The following RAN variants were observed in gnomAD, a reference collection of about 807,000 sequenced individuals.
RAN encodes GTP-binding nuclear protein Ran.
A neutral mutation model predicts 26.8 loss-of-function variants in RAN; 2 were observed. The ratio of observed to expected loss-of-function variants is 0.07; its 90% CI spans 0.03 to 0.23. The LOEUF (loss-of-function observed/expected upper bound fraction) is 0.23. Among genes scored for constraint, RAN ranks in the 10% least tolerant of loss-of-function variants. RAN has a pLI of 1.00. For missense variants in RAN, 56 were observed against 264.8 expected, an observed-to-expected ratio of 0.21 and a Z score of 5.47; for synonymous variants, 132 against 95.9, an observed-to-expected ratio of 1.38 and a Z score of -2.20.
chr12:130,874,995 T>A lies in RAN; in HGVS notation c.435+262T>A, dbSNP rs142851308. On this transcript the variant is annotated intron_variant, in intron 5 of 6. Coordinates refer to ENST00000543796, the MANE Select transcript of RAN (RefSeq NM_006325.5). Reference sequence around the variant, plus strand: ...CACCACGCCTGGCTAATTTTTGTACTTTTTTTTCTAGTAGAGACGGGGTTT... The same window carrying A: ...CACCACGCCTGGCTAATTTTTGTACATTTTTTTCTAGTAGAGACGGGGTTT... 1.7e-3 allele frequency among the ~76,000 whole-genome samples: 257 copies of A among 152,098 alleles called. 1 individual carries two copies. Among genetic ancestry groups the A allele is most frequent in the African/African-American group, 5.5e-3 (230 of 41,496 alleles).
At chr12:130,873,646 A>G (rs1474874406) in intron 4 of RAN, 4 of 160,814 alleles carry the variant, frequency 2.5e-5, no homozygotes, top group African/African-American at 7.2e-5. Flanking sequence ...TCATTGTACC[A>G]AAAAGAGGAA....
chr12:130,874,128 C>T (rs1189040796), intron 4 of RAN: 13 of 230,058 alleles, frequency 5.7e-5, no homozygotes, highest in South Asian at 2.2e-4. Flanking sequence ...GGATTACAGA[C>T]GTGAGCCACA....
At position 130,876,987 on chromosome 12, in the gene RAN, A is replaced by C. The variant is rs1953258034; in HGVS notation, c.*1061A>C. 1 of 151,776 alleles carries C rather than the reference A, an allele frequency of 6.6e-6. No homozygotes were observed. Among genetic ancestry groups the C allele is most frequent in the South Asian group, 2.1e-4 (1 of 4,810 alleles). 9.4% of individuals were successfully genotyped at this position (151,776 alleles called of 1,614,324 possible). A position where few individuals can be genotyped will look rare whatever the true frequency, so the allele number is the denominator to read the frequency against. Reference sequence around the variant, plus strand: ...CAGCAGAGCAGGACATGGATGAAATACTAGGAATATGCACAGTGGGGCAGT... The same window carrying C: ...CAGCAGAGCAGGACATGGATGAAATCCTAGGAATATGCACAGTGGGGCAGT... On this transcript the variant is annotated 3_prime_UTR_variant, in exon 7 of 7. Coordinates refer to ENST00000543796, the MANE Select transcript of RAN (RefSeq NM_006325.5).
At chr12:130,873,354 G>T (rs1953175001) in intron 4 of RAN, 5 of 503,326 alleles carry the variant, frequency 9.9e-6, no homozygotes. Context: ...AAAAAACTAT[G>T]ACTTACACTG....
chr12:130,873,211 C>T, intron 4 of RAN, 83 bp downstream of exon 4: 8 of 1,553,338 alleles, frequency 5.2e-6, no homozygotes, highest in South Asian at 1.2e-5. Context: ...CAGGTCTGTT[C>T]CAACAAATAG....
chr12:130,875,106 A>T (rs546955071), intron 5 of RAN, among the ~76,000 whole-genome samples: 2 of 152,324 alleles, frequency 1.3e-5, no homozygotes, highest in East Asian at 1.9e-4. Context: ...GATTACAGGC[A>T]TGAGCCACTG....
In RAN at chr12:130,872,588, G is replaced by T; in HGVS notation, c.-6G>T. The T allele has an allele frequency of 6.6e-7, 1 of 1,515,380 alleles. No individual in the cohort carries two copies. Among genetic ancestry groups the T allele is most frequent in the Non-Finnish European group, 8.8e-7 (1 of 1,135,676 alleles). 93.9% of individuals were successfully genotyped at this position (1,515,380 alleles called of 1,614,324 possible). A position where few individuals can be genotyped will look rare whatever the true frequency, so the allele number is the denominator to read the frequency against. On this transcript the variant is annotated 5_prime_UTR_variant, in exon 2 of 7. Transcript: ENST00000543796. ...CTCCGTCCTCTGCCTCCGCAGGAAC[G>T]CCGCGATGGCTGCGCAGGGAGAGCC...
At chr12:130,873,927 A>G (rs1208154268) in intron 4 of RAN, 11 of 228,722 alleles carry the variant, frequency 4.8e-5, no homozygotes, top group South Asian at 4.2e-5. Flanking sequence ...CCTGGAGTGC[A>G]GCTTCCGCCT....
chr12:130,874,358 C>CCT, intron 4 of RAN, 188 bp from the exon 5 acceptor site: 1 of 529,048 alleles, frequency 1.9e-6, no homozygotes, highest in South Asian at 3.0e-5. Flanking sequence ...AGGGTCAGCT[C>CCT]ATCTCTCTTA....
Position 130,872,803 on chromosome 12 carries a change from T to C in RAN, c.37-33T>C, listed in dbSNP as rs542334122. On this transcript the variant is annotated intron_variant, in intron 2 of 6. Coordinates refer to ENST00000543796, the MANE Select transcript of RAN (RefSeq NM_006325.5). Reference sequence around the variant, plus strand: ...CTGGGATCTTGAGAGGTGAAGTGTTTAGGGTTTACTTCCAAAATGTGTTTT... The same window carrying C: ...CTGGGATCTTGAGAGGTGAAGTGTTCAGGGTTTACTTCCAAAATGTGTTTT... The C allele has an allele frequency of 1.1e-4, 170 of 1,609,662 alleles. 3 individuals carry two copies. In the South Asian group the frequency reaches 1.6e-3, roughly 15 times the overall value.
At chr12:130,872,538 G>C in intron 1 of RAN, 46 bp from the exon 2 acceptor site, 1 of 1,387,446 alleles carries the variant, frequency 7.2e-7, no homozygotes, top group Non-Finnish European at 9.3e-7. Flanking sequence ...GCCGCCATGG[G>C]CTGCGGGGCC....
Position 130,876,102 on chromosome 12 carries a change from A to G in RAN, c.*176A>G. The G allele has an allele frequency of 1.5e-6, 1 of 675,252 alleles. No individual in the cohort carries two copies. The allele number at this position is 675,252 out of a possible 1,614,324, so 41.8% of individuals were successfully genotyped here. A position where few individuals can be genotyped will look rare whatever the true frequency, so the allele number is the denominator to read the frequency against. Reference sequence around the variant, plus strand: ...CGGAGTGAATGTGGCAGTTTAAAAAATAACTTCATTGTTTGGACCTGCATA... The same window carrying G: ...CGGAGTGAATGTGGCAGTTTAAAAAGTAACTTCATTGTTTGGACCTGCATA... On this transcript the variant is annotated 3_prime_UTR_variant, in exon 7 of 7. Coordinates refer to ENST00000543796, the MANE Select transcript of RAN (RefSeq NM_006325.5).
intron 4 of RAN, chr12:130,873,745 T>C (rs1309585887): frequency 6.3e-6 from 1 of 158,170 alleles, no homozygotes; most frequent in East Asian, 1.9e-4. Context: ...TCCTTGAGCA[T>C]GTACAAATAA....
At chr12:130,873,280 T>G in intron 4 of RAN, 152 bp downstream of exon 4, 1 of 1,027,406 alleles carries the variant, frequency 9.7e-7, no homozygotes, top group Non-Finnish European at 1.4e-6. Context: ...ACCATTTTGG[T>G]GGCAGAGAAA....
intron 2 of RAN, 69 bp downstream of exon 2, chr12:130,872,698 G>C: frequency 6.5e-7 from 1 of 1,542,536 alleles, no homozygotes; most frequent in East Asian, 2.3e-5. Context: ...CCTCCTCCTG[G>C]GGCCACGATG....
intron 4 of RAN, chr12:130,874,268 C>T (rs751161693): frequency 3.1e-4 from 108 of 350,580 alleles, no homozygotes; most frequent in Non-Finnish European, 4.7e-4. Flanking sequence ...TATCCAGAAT[C>T]TCATTTAGCA....
rs1423407285 is a variant in RAN, at chr12:130,876,326, C to CTA, written c.*401_*402dup. 5.7e-6 allele frequency: 1 copy of CTA among 175,090 alleles called. No homozygotes were observed. The highest frequency in any genetic ancestry group is 2.4e-5 in the African/African-American group (1 of 42,046). 10.8% of individuals were successfully genotyped at this position (175,090 alleles called of 1,614,324 possible). ...GTTTATAAATAGCATTTGGAAACCA[C>CTA]TAAAGTAGGGAAGTTTTATGCCATG... On this transcript the variant is annotated 3_prime_UTR_variant, in exon 7 of 7. Transcript: ENST00000543796.
intron 5 of RAN, among the ~76,000 whole-genome samples, chr12:130,875,348 A>G (rs946446180): frequency 6.6e-6 from 1 of 151,958 alleles, no homozygotes; most frequent in Non-Finnish European, 1.5e-5. Context: ...CAGCCTTCTG[A>G]GTAGCTGGGC....
intron 5 of RAN, among the ~76,000 whole-genome samples, 183 bp from the exon 6 acceptor site, chr12:130,875,429 G>C (rs1953221032): frequency 6.6e-6 from 1 of 151,374 alleles, no homozygotes; most frequent in South Asian, 2.1e-4. Flanking sequence ...CTGTTGCCCA[G>C]GCCTGATCGT....
Sources: allele counts gnomAD v4.1 joint callset (sites outside exome capture counted in the v4.1 genomes callset), GRCh38; gene constraint gnomAD v4.1.1; transcripts MANE v1.5; gene names NCBI Gene and HGNC (gene_info 2026-07-23, HGNC 2026-07-21).